The following GABRA3 variants were observed in gnomAD, a reference collection of about 807,000 sequenced individuals.
GABRA3 encodes gamma-aminobutyric acid receptor subunit alpha-3.
Under a neutral mutation model 30.1 loss-of-function variants are expected in GABRA3, and 10 were observed. The observed-to-expected ratio is 0.33, with a 90% CI of 0.20 to 0.56. The LOEUF (loss-of-function observed/expected upper bound fraction) is 0.56. Among genes scored for constraint, GABRA3 ranks in the 20% least tolerant of loss-of-function variants. The pLI, the probability that GABRA3 is intolerant of heterozygous loss-of-function variation, is 0.89. For missense variants in GABRA3, 233 were observed against 392.0 expected (o/e 0.59, Z 3.42); for synonymous variants, 151 against 146.8 (o/e 1.03, Z -0.21).
intron 3 of GABRA3, among the ~76,000 whole-genome samples, chrX:152,343,461 AC>A (rs1189186025): frequency 9.2e-6 from 1 of 108,821 alleles, no homozygotes; most frequent in Middle Eastern, 4.9e-3. Flanking sequence ...AAAAAAAAAA[AC>A]AAAACGCAAT....
chrX:152,296,635 C>T (rs779243645), intron 3 of GABRA3, among the ~76,000 whole-genome samples: 1 of 111,125 alleles, frequency 9.0e-6, no homozygotes, highest in East Asian at 2.8e-4. Flanking sequence ...TATGCTATTC[C>T]CTCTAGTGTC....
chrX:152,208,497 G>C (rs1937599387), intron 6 of GABRA3, among the ~76,000 whole-genome samples: 2 of 111,692 alleles, frequency 1.8e-5, no homozygotes, highest in African/African-American at 6.5e-5. Flanking sequence ...AGATGTCACA[G>C]ACTCAAATGC....
chrX:152,280,052 T>C (rs1361488983), intron 4 of GABRA3, among the ~76,000 whole-genome samples: 3 of 111,763 alleles, frequency 2.7e-5, no homozygotes, highest in Non-Finnish European at 5.6e-5. Context: ...GCATGTCATC[T>C]GCAAACAGAG....
intron 3 of GABRA3, among the ~76,000 whole-genome samples, chrX:152,317,488 C>T (rs1939896134): frequency 1.8e-5 from 2 of 111,760 alleles, no homozygotes; most frequent in South Asian, 3.7e-4. Context: ...ATTTACAAAA[C>T]ATTCCACTCA....
At chrX:152,322,474 T>A (rs1939979414) in intron 3 of GABRA3, among the ~76,000 whole-genome samples, 1 of 111,898 alleles carries the variant, frequency 8.9e-6, no homozygotes, top group Non-Finnish European at 1.9e-5. Context: ...CGTAAAATGG[T>A]TACCTTTTTA....
intron 1 of GABRA3, among the ~76,000 whole-genome samples, chrX:152,371,391 A>G (rs1391680522): frequency 9.0e-6 from 1 of 111,100 alleles, no homozygotes; most frequent in African/African-American, 3.3e-5. Flanking sequence ...ATATACTTTA[A>G]CCTTTTCCCT....
chrX:152,220,429 A>G (rs748930237), intron 6 of GABRA3, among the ~76,000 whole-genome samples: 1 of 111,642 alleles, frequency 9.0e-6, no homozygotes, highest in South Asian at 3.7e-4. Context: ...TCATTGCGTG[A>G]CTATGCTACA....
At chrX:152,349,564 T>G (rs1940444126) in intron 2 of GABRA3, among the ~76,000 whole-genome samples, 1 of 108,905 alleles carries the variant, frequency 9.2e-6, no homozygotes, top group African/African-American at 3.4e-5. Flanking sequence ...GAAACCCATC[T>G]CACGTGCAAA....
chrX:152,383,388 C>CAAAAAAAAAAA (rs34736587), intron 1 of GABRA3, among the ~76,000 whole-genome samples: 9 of 35,452 alleles, frequency 2.5e-4, no homozygotes, highest in African/African-American at 3.3e-4. Context: ...GACTCCATCT[C>CAAAAAAAAAAA]AAAAAAAAAA....
intron 1 of GABRA3, among the ~76,000 whole-genome samples, chrX:152,432,183 C>T (rs1349963986): frequency 1.8e-5 from 2 of 111,578 alleles, no homozygotes; most frequent in Non-Finnish European, 3.8e-5. Context: ...AATCTGAACA[C>T]TTATCTTCCA....
At chrX:152,346,437 T>C (rs942521520) in intron 2 of GABRA3, among the ~76,000 whole-genome samples, 3 of 111,332 alleles carry the variant, frequency 2.7e-5, no homozygotes, top group African/African-American at 6.5e-5. Context: ...TGGGCAAAAA[T>C]TTCTTGAGCA....
chrX:152,447,867 T>C (rs1931125866), intron 1 of GABRA3, among the ~76,000 whole-genome samples: 1 of 111,892 alleles, frequency 8.9e-6, no homozygotes, highest in Admixed American at 9.5e-5. Flanking sequence ...ACTCAAAATG[T>C]AGCCCGCCAA....
intron 3 of GABRA3, among the ~76,000 whole-genome samples, chrX:152,295,601 T>C (rs1939514696): frequency 8.9e-6 from 1 of 112,856 alleles, no homozygotes; most frequent in Admixed American, 9.3e-5. Flanking sequence ...GTAGTGTCTT[T>C]CACAGCTTCC....
chrX:152,278,414 C>T (rs986998064), intron 4 of GABRA3, among the ~76,000 whole-genome samples: 9 of 110,515 alleles, frequency 8.1e-5, no homozygotes, highest in Non-Finnish European at 1.3e-4. Flanking sequence ...CCAGCTTCAT[C>T]CATGTCCCTA....
chrX:152,255,817 A>G lies in GABRA3; in HGVS notation c.512T>C (p.Leu171Pro), dbSNP rs1457883071. 8.3e-7 allele frequency: 1 copy of G among 1,209,295 alleles called. No homozygotes were observed. The highest frequency in any genetic ancestry group is 1.1e-6 in the Non-Finnish European group (1 of 894,875). ...AHNMTTPNKL[L>P]RLVDNGTLLY... is the part of the protein sequence containing the mutation. ...GAGGGTTCCGTTGTCCACCAATCTGAGCAGCTTGTTGGGCGTGGTCATGTT... is the reference window on the plus strand; with the variant it reads ...GAGGGTTCCGTTGTCCACCAATCTGGGCAGCTTGTTGGGCGTGGTCATGTT... Residue 171 changes from leucine (L) to proline (P), a missense_variant, in exon 5 of 10, where the codon CTC becomes CCC. This residue lies in a region of GABRA3 where 42 missense variants were observed against 116.2 expected (regional missense o/e 0.36). Transcript: ENST00000370314.
rs141012766 is a variant in GABRA3, at chrX:152,272,159, T to C, written c.330+12509A>G. Among the ~76,000 whole-genome samples the C allele has an allele frequency of 8.1e-5, 9 of 111,530 alleles. No homozygotes were observed. In the East Asian group the frequency reaches 2.6e-3, roughly 32 times the overall value. On this transcript the variant is annotated intron_variant, in intron 4 of 9. Transcript: ENST00000370314. ...TGCAGACCCCAGAATGGTAGATCCA[T>C]GGACAGCTTACATCATGCACGTGGA...
chrX:152,391,268 T>C (rs987537440), intron 1 of GABRA3, among the ~76,000 whole-genome samples: 1 of 111,811 alleles, frequency 8.9e-6, no homozygotes, highest in African/African-American at 3.2e-5. Context: ...ACAACCATAG[T>C]GTATGAGCGA....
intron 7 of GABRA3, among the ~76,000 whole-genome samples, chrX:152,205,970 T>C (rs1937535873): frequency 8.9e-6 from 1 of 112,784 alleles, no homozygotes; most frequent in Non-Finnish European, 1.9e-5. Context: ...TCCATGTATT[T>C]CTAATTTTCC....
chrX:152,200,367 C>T (rs1157875443), intron 7 of GABRA3, among the ~76,000 whole-genome samples: 4 of 112,196 alleles, frequency 3.6e-5, no homozygotes, highest in Non-Finnish European at 7.5e-5. Context: ...AATATACAAC[C>T]CTTATTGAAT....
Sources: allele counts gnomAD v4.1 joint callset (sites outside exome capture counted in the v4.1 genomes callset), GRCh38; gene constraint gnomAD v4.1.1; regional missense constraint gnomAD v4.1.1; transcripts MANE v1.5; gene names NCBI Gene and HGNC (gene_info 2026-07-23, HGNC 2026-07-21).